NASP: variants seen among roughly 807,000 people sequenced by gnomAD.
NASP encodes the protein NASP histone chaperone.
A neutral mutation model predicts 89.5 loss-of-function variants in NASP; 24 were observed. The ratio of observed to expected loss-of-function variants is 0.27; its 90% confidence interval spans 0.19 to 0.38. NASP has a LOEUF of 0.38. NASP is among the 10% of genes least tolerant of loss of function. The probability of loss-of-function intolerance (pLI) is 1.00; values close to 1 mark genes in which losing one functional copy is unlikely to be tolerated. For synonymous variants in NASP, 306 were observed against 324.7 expected (o/e 0.94, Z 0.62); for missense variants, 848 against 921.4 (o/e 0.92, Z 1.03).
chr1:45,594,882 T>C (rs1438709147), intron 2 of NASP: 2 of 293,250 alleles, frequency 6.8e-6, no homozygotes, highest in South Asian at 2.8e-5. Context: ...TAGTCTCACC[T>C]TAAATTTATA....
intron 2 of NASP, among the ~76,000 whole-genome samples, chr1:45,595,779 A>G (rs1219888151): frequency 6.6e-6 from 1 of 152,216 alleles, no homozygotes; most frequent in African/African-American, 2.4e-5. Context: ...TACAAACTGA[A>G]GTTTATTAAT....
intron 1 of NASP, among the ~76,000 whole-genome samples, chr1:45,586,286 T>TGTG (rs1557646540): frequency 6.9e-4 from 61 of 88,352 alleles, no homozygotes; most frequent in Non-Finnish European, 1.0e-3. Context: ...GTGTGTGTGG[T>TGTG]GTGTGTGTGT....
chr1:45,598,234 G>A (rs1054986713), intron 2 of NASP, among the ~76,000 whole-genome samples: 43 of 146,916 alleles, frequency 2.9e-4, no homozygotes, highest in Non-Finnish European at 5.2e-4. Flanking sequence ...GCAATGGCAC[G>A]ATCTTGGCTC....
At chr1:45,605,544 C>T (rs2148355505) in intron 4 of NASP, 1 of 152,056 alleles carries the variant, frequency 6.6e-6, no homozygotes, top group East Asian at 1.9e-4. Flanking sequence ...CTCACTGCAT[C>T]CTTCATCTTC....
chr1:45,614,256 T>C (rs368229012), intron 8 of NASP, 37 bp from the exon 9 acceptor site: 8 of 1,600,544 alleles, frequency 5.0e-6, no homozygotes, highest in Middle Eastern at 3.3e-4. Context: ...GTTAGACAGG[T>C]ACTGTTAAGG....
chr1:45,602,238 A>C lies in NASP; in HGVS notation c.108-17A>C. ...TTTAAACAGTACTTGACACTAGAAA[A>C]AATCTTTTTTTTGCAGTCTGGATGT... On this transcript the variant is annotated splice_polypyrimidine_tract_variant and intron_variant, in intron 2 of 14. Coordinates refer to ENST00000350030, the MANE Select transcript of NASP (RefSeq NM_002482.4). 6.2e-7 allele frequency: 1 copy of C among 1,606,136 alleles called. No individual in the cohort carries two copies. The highest frequency in any genetic ancestry group is 1.3e-5 in the African/African-American group (1 of 74,408).
chr1:45,601,286 G>C (rs898814719), intron 2 of NASP, among the ~76,000 whole-genome samples: 3 of 152,090 alleles, frequency 2.0e-5, no homozygotes, highest in African/African-American at 4.8e-5. Context: ...TTTTCTTGTA[G>C]AAACTTTATG....
intron 8 of NASP, 42 bp from the exon 9 acceptor site, chr1:45,614,251 A>G (rs751277442): frequency 7.5e-6 from 12 of 1,598,702 alleles, no homozygotes; most frequent in Non-Finnish European, 8.6e-6. Flanking sequence ...TTAGGGTTAG[A>G]CAGGTACTGT....
chr1:45,592,402 C>G (rs1174938128), intron 2 of NASP, among the ~76,000 whole-genome samples: 2 of 152,226 alleles, frequency 1.3e-5, no homozygotes, highest in African/African-American at 4.8e-5. Context: ...CCTGATCTAC[C>G]ATGCCCAGCT....
intron 2 of NASP, among the ~76,000 whole-genome samples, chr1:45,595,189 T>TGTGTGTG (rs1557653288): frequency 9.1e-6 from 1 of 110,358 alleles, no homozygotes; most frequent in Non-Finnish European, 1.9e-5. Context: ...GTGTGTGTGT[T>TGTGTGTG]TTAGAGACAG....
chr1:45,612,976 C>T (rs1218065572), intron 6 of NASP, 193 bp from the exon 7 acceptor site: 4 of 651,342 alleles, frequency 6.1e-6, no homozygotes, highest in African/African-American at 3.8e-5. Context: ...ACTAAGATTG[C>T]ACATTCTTAG....
intron 6 of NASP, 147 bp from the exon 7 acceptor site, chr1:45,613,022 C>T (rs1023625510): frequency 1.1e-5 from 13 of 1,140,770 alleles, no homozygotes; most frequent in East Asian, 2.9e-5. Flanking sequence ...CACCCACTGA[C>T]GATATATTCA....
At chr1:45,591,370 A>C in intron 2 of NASP, 100 bp downstream of exon 2, 1 of 865,950 alleles carries the variant, frequency 1.2e-6, no homozygotes, top group Non-Finnish European at 1.7e-6. Flanking sequence ...TTTATTTTTG[A>C]TAGAGGCAAG....
intron 2 of NASP, among the ~76,000 whole-genome samples, chr1:45,595,132 TGTGTGTGTG>T (rs1643660751): frequency 2.7e-4 from 3 of 11,052 alleles, no homozygotes; most frequent in Admixed American, 8.6e-4. Flanking sequence ...CTAAGTTTTG[TGTGTGTGTG>T]TGTGTGTGTG....
rs138281397 is a variant in NASP at position 45,600,203 on chromosome 1, A to G, written c.108-2052A>G. ...TTTGACCCAGGTTTTTCTTAAAGCTATAAGAAACATTAAATGAAAGTCTAA... is the reference window on the plus strand; with the variant it reads ...TTTGACCCAGGTTTTTCTTAAAGCTGTAAGAAACATTAAATGAAAGTCTAA... On this transcript the variant is annotated intron_variant, in intron 2 of 14. Coordinates refer to ENST00000350030, the MANE Select transcript of NASP (RefSeq NM_002482.4). 3.0e-3 allele frequency among the ~76,000 whole-genome samples: 456 copies of G among 152,334 alleles called. 4 individuals are homozygous for G. The highest frequency in any genetic ancestry group is 0.022 in the East Asian group (113 of 5,184).
chr1:45,616,389 C>G lies in NASP; in HGVS notation c.2075C>G (p.Ser692Cys), dbSNP rs142910043. Residue 692 changes from serine (S) to cysteine (C), a missense_variant, in exon 12 of 15, where the codon TCC becomes TGC. By Grantham distance (112) the Ser-to-Cys change is moderately radical. This residue lies in a region of NASP where 218 missense variants were observed against 219.6 expected (regional missense o/e 0.99). Transcript: ENST00000350030. ...FTPGGGGSSV[S>C]MIASRKPTDG... is the part of the protein sequence containing the mutation. ...CCTGGTGGAGGAGGCTCTTCAGTCT[C>G]CATGGTGCGTATTCAGGTGGTTTTT... 104 of 1,614,068 alleles carry G rather than the reference C, an allele frequency of 6.4e-5. 1 individual carries two copies. The African/African-American group carries it at 1.4e-3, about 21-fold the overall frequency.
At chr1:45,592,459 G>A (rs1643575540) in intron 2 of NASP, among the ~76,000 whole-genome samples, 1 of 152,144 alleles carries the variant, frequency 6.6e-6, no homozygotes, top group Non-Finnish European at 1.5e-5. Context: ...CATGTGTTAT[G>A]GAAAAGCTTT....
At chr1:45,617,663 C>T (rs914133933) in intron 14 of NASP, 72 bp downstream of exon 14, 15 of 1,477,200 alleles carry the variant, frequency 1.0e-5, no homozygotes, top group Admixed American at 2.4e-5. Flanking sequence ...TCAGTCCTCT[C>T]AAGTGCATGC....
intron 2 of NASP, chr1:45,594,894 C>T (rs1429791293): frequency 7.3e-6 from 2 of 275,240 alleles, no homozygotes; most frequent in South Asian, 6.4e-5. Context: ...AAATTTATAA[C>T]CTCTGACCTG....
Sources: gnomAD v4.1 joint callset for allele counts (sites outside exome capture counted in the v4.1 genomes callset) on GRCh38, gnomAD v4.1.1 for gene constraint, gnomAD v4.1.1 regional missense constraint, MANE v1.5 for transcripts, NCBI Gene and HGNC (gene_info 2026-07-23, HGNC 2026-07-21) for gene names.